The following ADGRL3 variants were observed in gnomAD, a reference collection of about 807,000 sequenced individuals.
The protein encoded by ADGRL3 is calcium-independent alpha-latrotoxin receptor 3.
A neutral mutation model predicts 153.5 loss-of-function variants in ADGRL3; 62 were observed. The observed-to-expected ratio is 0.40, with a 90% CI of 0.33 to 0.50. ADGRL3 has a LOEUF of 0.50. Among genes scored for constraint, ADGRL3 ranks in the 20% least tolerant of loss-of-function variants. ADGRL3 has a pLI of 0.47. For synonymous variants in ADGRL3, 710 were observed against 672.5 expected (o/e 1.06, Z -0.86); for missense variants, 1,641 against 1,859.4 (o/e 0.88, Z 2.16).
chr4:61,639,604 G>A (rs2150142574), intron 5 of ADGRL3, among the ~76,000 whole-genome samples: 1 of 152,158 alleles, frequency 6.6e-6, no homozygotes, highest in East Asian at 1.9e-4. Flanking sequence ...ATTCATTAGG[G>A]GAAGTTATTT....
intron 17 of ADGRL3, among the ~76,000 whole-genome samples, chr4:61,966,549 C>A (rs184039538): frequency 2.8e-3 from 431 of 151,316 alleles, no homozygotes; most frequent in Non-Finnish European, 4.5e-3. Flanking sequence ...TCACCCAACA[C>A]CTTTAAGAAG....
intron 8 of ADGRL3, among the ~76,000 whole-genome samples, chr4:61,774,423 TA>T (rs2097123889): frequency 6.8e-6 from 1 of 147,468 alleles, no homozygotes; most frequent in South Asian, 2.1e-4. Flanking sequence ...AAAATAAAAA[TA>T]AAAAATAATA....
chr4:61,518,579 T>C (rs1254787974), intron 4 of ADGRL3, among the ~76,000 whole-genome samples: 2 of 152,194 alleles, frequency 1.3e-5, no homozygotes, highest in Non-Finnish European at 2.9e-5. Context: ...TTAAATGTAA[T>C]TCTTCAATTA....
At position 61,676,873 on chromosome 4, in the gene ADGRL3, T is replaced by C. The variant is rs1250495624; in HGVS notation, c.521T>C (p.Phe174Ser). ...QCAVVAGPDV[F>S]PDPCPGTYKY... ...GCAGTGGTGGCAGGTCCTGATGTTT[T>C]TCCAGACCCGTGTCCAGGAACCTAT... Residue 174 changes from phenylalanine (F) to serine (S), a missense_variant, in exon 6 of 27, where the codon TTT becomes TCT. Coordinates refer to ENST00000683033, the MANE Select transcript of ADGRL3 (RefSeq NM_001387552.1). 6.2e-7 allele frequency: 1 copy of C among 1,612,330 alleles called. No individual in the cohort carries two copies. The highest frequency in any genetic ancestry group is 8.5e-7 in the Non-Finnish European group (1 of 1,178,714).
chr4:61,351,697 A>G (rs1359573524), intron 1 of ADGRL3, among the ~76,000 whole-genome samples: 1 of 152,094 alleles, frequency 6.6e-6, no homozygotes, highest in Non-Finnish European at 1.5e-5. Flanking sequence ...ATGACAGCAC[A>G]TCTGTTTACT....
At chr4:61,673,008 G>A (rs762464784) in intron 5 of ADGRL3, among the ~76,000 whole-genome samples, 1 of 151,888 alleles carries the variant, frequency 6.6e-6, no homozygotes, top group Non-Finnish European at 1.5e-5. Context: ...CCTTAAAAAT[G>A]AAGGAAACTC....
In ADGRL3 at chr4:61,497,166, C is replaced by A; in HGVS notation, c.-128C>A. ...GTGTTTCTGTTTTGGAGAAATTATT[C>A]TTTTTCTTTTTAATTTGAAGAAAAA... On this transcript the variant is annotated 5_prime_UTR_variant, in exon 3 of 27. Transcript: ENST00000683033. 1 of 565,526 alleles carries A rather than the reference C, an allele frequency of 1.8e-6. No individual in the cohort carries two copies. Among genetic ancestry groups the A allele is most frequent in the African/African-American group, 2.0e-5 (1 of 49,542 alleles). 35.0% of individuals were successfully genotyped at this position (565,526 alleles called of 1,614,324 possible). A position where few individuals can be genotyped will look rare whatever the true frequency, so the allele number is the denominator to read the frequency against.
intron 21 of ADGRL3, among the ~76,000 whole-genome samples, chr4:62,008,701 CTATT>C (rs1253320921): frequency 2.0e-5 from 3 of 150,742 alleles, no homozygotes; most frequent in Non-Finnish European, 3.0e-5. Context: ...ATTATAAAAT[CTATT>C]TATATCTATA....
chr4:61,738,464 A>G (rs1426693609), intron 8 of ADGRL3, among the ~76,000 whole-genome samples: 1 of 152,126 alleles, frequency 6.6e-6, no homozygotes, highest in Non-Finnish European at 1.5e-5. Context: ...GTCAGATGGT[A>G]GTTCTACTTT....
At chr4:61,322,130 GGCAA>G (rs2095369700) in intron 1 of ADGRL3, among the ~76,000 whole-genome samples, 1 of 152,124 alleles carries the variant, frequency 6.6e-6, no homozygotes, top group Non-Finnish European at 1.5e-5. Context: ...GATAACAGCA[GGCAA>G]AGAGAGAGCT....
At chr4:61,498,442 C>T (rs953107987) in intron 3 of ADGRL3, among the ~76,000 whole-genome samples, 3 of 151,800 alleles carry the variant, frequency 2.0e-5, no homozygotes, top group Admixed American at 1.3e-4. Flanking sequence ...CCCAGCTACT[C>T]GGGAGGCTGA....
chr4:61,612,824 A>C (rs2091535026), intron 5 of ADGRL3, among the ~76,000 whole-genome samples: 1 of 152,158 alleles, frequency 6.6e-6, no homozygotes, highest in Non-Finnish European at 1.5e-5. Context: ...TGTTTAGTTT[A>C]GTCTAACCCA....
At chr4:61,766,861 G>T (rs2096988733) in intron 8 of ADGRL3, among the ~76,000 whole-genome samples, 1 of 152,024 alleles carries the variant, frequency 6.6e-6, no homozygotes, top group South Asian at 2.1e-4. Context: ...CCACGGGGTG[G>T]ATAGGCAAAA....
chr4:61,540,281 G>A (rs957223172), intron 4 of ADGRL3, among the ~76,000 whole-genome samples: 1 of 152,176 alleles, frequency 6.6e-6, no homozygotes, highest in Non-Finnish European at 1.5e-5. Flanking sequence ...AGGCGTGGTG[G>A]CTTATGCCTG....
intron 1 of ADGRL3, among the ~76,000 whole-genome samples, chr4:61,352,508 C>T (rs2096070619): frequency 6.6e-6 from 1 of 151,892 alleles, no homozygotes; most frequent in Non-Finnish European, 1.5e-5. Flanking sequence ...CCTCAGCCTC[C>T]CGAGTAGCTG....
At chr4:61,407,349 T>C (rs1463988410) in intron 2 of ADGRL3, among the ~76,000 whole-genome samples, 1 of 152,124 alleles carries the variant, frequency 6.6e-6, no homozygotes, top group Non-Finnish European at 1.5e-5. Flanking sequence ...TTTTCTTTTT[T>C]CTCAAAATAT....
chr4:61,609,781 C>A (rs2099045962), intron 5 of ADGRL3, among the ~76,000 whole-genome samples: 1 of 152,126 alleles, frequency 6.6e-6, no homozygotes, highest in East Asian at 1.9e-4. Context: ...AATTAGGACC[C>A]TCCAGCTTCT....
At chr4:61,519,367 T>C (rs2152911400) in intron 4 of ADGRL3, among the ~76,000 whole-genome samples, 1 of 152,308 alleles carries the variant, frequency 6.6e-6, no homozygotes, top group South Asian at 2.1e-4. Context: ...TTATATTCTG[T>C]TTTGGACAGA....
chr4:61,377,004 C>G (rs985471352), intron 1 of ADGRL3, among the ~76,000 whole-genome samples: 5 of 152,082 alleles, frequency 3.3e-5, no homozygotes, highest in Admixed American at 2.6e-4. Context: ...AAAGTCTCTT[C>G]TCTGAGGGCA....
Sources: allele counts gnomAD v4.1 joint callset (sites outside exome capture counted in the v4.1 genomes callset), GRCh38; gene constraint gnomAD v4.1.1; transcripts MANE v1.5; gene names NCBI Gene and HGNC (gene_info 2026-07-23, HGNC 2026-07-21).